The following COX7B2 variants were observed in gnomAD, a reference collection of about 807,000 sequenced individuals.
COX7B2 encodes cytochrome c oxidase subunit 7B2.
For synonymous variants in COX7B2, 37 were observed against 32.1 expected (o/e 1.15, Z -0.51); for missense variants, 109 against 95.9 (o/e 1.14, Z -0.57).
At chr4:46,810,056 G>A (rs1253337074) in intron 2 of COX7B2, among the ~76,000 whole-genome samples, 1 of 151,954 alleles carries the variant, frequency 6.6e-6, no homozygotes, top group African/African-American at 2.4e-5. Flanking sequence ...TATAGCCACT[G>A]CTGCTTTCTT....
intron 1 of COX7B2, among the ~76,000 whole-genome samples, chr4:46,884,392 A>G (rs1718944184): frequency 6.6e-6 from 1 of 152,182 alleles, no homozygotes; most frequent in African/African-American, 2.4e-5. Context: ...CTGTTCTCTA[A>G]TGATGTCCTT....
chr4:46,846,813 A>T (rs1716308236), intron 1 of COX7B2, among the ~76,000 whole-genome samples: 1 of 152,078 alleles, frequency 6.6e-6, no homozygotes, highest in Non-Finnish European at 1.5e-5. Flanking sequence ...GGATTTTCTG[A>T]TAAGCTAGAT....
Position 46,803,691 on chromosome 4 carries a change from T to C in COX7B2, c.-50+41269A>G, listed in dbSNP as rs1469168771. The stretch of plus-strand genomic sequence containing the variant: ...TGTTTCCAGTGCTTTCATATCACAA[T>C]TGTTGTTGCTCATTGGCTTAAATTA... On this transcript the variant is annotated intron_variant, in intron 2 of 2. Coordinates refer to ENST00000355591, the MANE Select transcript of COX7B2 (RefSeq NM_130902.3). Among the ~76,000 whole-genome samples the C allele has an allele frequency of 3.9e-5, 6 of 151,946 alleles. No individual in the cohort carries two copies. In the East Asian group the frequency reaches 9.7e-4, roughly 24 times the overall value.
At chr4:46,748,220 C>T (rs1347504875) in intron 2 of COX7B2, among the ~76,000 whole-genome samples, 1 of 152,194 alleles carries the variant, frequency 6.6e-6, no homozygotes, top group African/African-American at 2.4e-5. Context: ...TTAAGTATGT[C>T]TTACAACAAT....
At chr4:46,885,311 C>A (rs992874717) in intron 1 of COX7B2, among the ~76,000 whole-genome samples, 2 of 151,936 alleles carry the variant, frequency 1.3e-5, no homozygotes, top group Non-Finnish European at 2.9e-5. Flanking sequence ...AATCACACAC[C>A]TAATAAATGC....
chr4:46,806,812 G>A (rs1029668445), intron 2 of COX7B2, among the ~76,000 whole-genome samples: 5 of 152,060 alleles, frequency 3.3e-5, no homozygotes, highest in Non-Finnish European at 7.4e-5. Context: ...TTGGCATAAT[G>A]TCTCCAGGCT....
chr4:46,753,870 T>C (rs58141854), intron 2 of COX7B2, among the ~76,000 whole-genome samples: 49,779 of 151,746 alleles, frequency 0.33, 8,411 homozygotes, highest in South Asian at 0.47. Context: ...TTACAAGAAA[T>C]AAACAAACAA....
chr4:46,863,261 A>T (rs975987664), intron 1 of COX7B2, among the ~76,000 whole-genome samples: 2 of 152,184 alleles, frequency 1.3e-5, no homozygotes, highest in Non-Finnish European at 2.9e-5. Flanking sequence ...GAAGGATATT[A>T]ACAAAAAGAC....
At chr4:46,748,412 T>A (rs1715151956) in intron 2 of COX7B2, among the ~76,000 whole-genome samples, 1 of 152,206 alleles carries the variant, frequency 6.6e-6, no homozygotes. Context: ...ATTTATACTG[T>A]GTGAACTGTA....
intron 2 of COX7B2, among the ~76,000 whole-genome samples, chr4:46,842,961 CCTGAGGAATCGCCACA>C (rs547791867): frequency 4.5e-4 from 69 of 152,100 alleles, no homozygotes; most frequent in Admixed American, 4.1e-3. Context: ...GTTCTAGATC[CCTGAGGAATCGCCACA>C]CTGATTTCCA....
intron 2 of COX7B2, among the ~76,000 whole-genome samples, chr4:46,830,549 A>T (rs187996412): frequency 6.6e-5 from 10 of 152,286 alleles, no homozygotes; most frequent in African/African-American, 2.4e-4. Flanking sequence ...GTCTAAAAAA[A>T]CATATGAAAA....
At chr4:46,745,518 A>G (rs1714969495) in intron 2 of COX7B2, among the ~76,000 whole-genome samples, 1 of 152,244 alleles carries the variant, frequency 6.6e-6, no homozygotes, top group South Asian at 2.1e-4. Context: ...TGGTAAAAAT[A>G]ACTTTTAACA....
At chr4:46,811,412 T>A (rs1343185754) in intron 2 of COX7B2, among the ~76,000 whole-genome samples, 1 of 152,094 alleles carries the variant, frequency 6.6e-6, no homozygotes, top group African/African-American at 2.4e-5. Context: ...TTTTTGATCT[T>A]GTCTGCTGTT....
intron 1 of COX7B2, among the ~76,000 whole-genome samples, chr4:46,878,604 C>G (rs569872475): frequency 6.6e-6 from 1 of 152,186 alleles, no homozygotes; most frequent in East Asian, 1.9e-4. Context: ...TTATTTCCCA[C>G]ATCATAATCT....
chr4:46,844,563 T>C (rs1716140937), intron 2 of COX7B2, among the ~76,000 whole-genome samples: 2 of 151,982 alleles, frequency 1.3e-5, no homozygotes, highest in African/African-American at 4.8e-5. Context: ...AGACACGTGG[T>C]GGTCTCAGCT....
intron 2 of COX7B2, among the ~76,000 whole-genome samples, chr4:46,835,532 C>G (rs1192033143): frequency 6.6e-6 from 1 of 151,958 alleles, no homozygotes; most frequent in Non-Finnish European, 1.5e-5. Flanking sequence ...AGTAAGCAGG[C>G]CTAGTCCTCC....
At chr4:46,765,686 G>A (rs112107178) in intron 2 of COX7B2, among the ~76,000 whole-genome samples, 8 of 151,806 alleles carry the variant, frequency 5.3e-5, no homozygotes, top group Admixed American at 2.0e-4. Flanking sequence ...CAGCCCAGCC[G>A]ATGTGGCCCC....
intron 1 of COX7B2, chr4:46,876,788 A>T (rs1412062019): frequency 6.6e-6 from 1 of 152,256 alleles, no homozygotes; most frequent in Non-Finnish European, 1.5e-5. Context: ...TTAAGATGAG[A>T]GAATTAAAAG....
intron 2 of COX7B2, among the ~76,000 whole-genome samples, chr4:46,752,437 C>T (rs1715444558): frequency 6.6e-6 from 1 of 152,016 alleles, no homozygotes; most frequent in African/African-American, 2.4e-5. Context: ...TTACCCTGGC[C>T]AGAACTTCCA....
Sources: gnomAD v4.1 joint callset for allele counts (sites outside exome capture counted in the v4.1 genomes callset) on GRCh38, gnomAD v4.1.1 for gene constraint, MANE v1.5 for transcripts, NCBI Gene and HGNC (gene_info 2026-07-23, HGNC 2026-07-21) for gene names.